FBH1: variants seen among roughly 807,000 people sequenced by gnomAD.
FBH1 encodes DNA 3'-5' helicase 1.
In FBH1, 43 loss-of-function variants were observed where a neutral mutation model predicts 115.5. The observed-to-expected ratio is 0.37, with a 90% confidence interval of 0.29 to 0.48. The LOEUF is 0.48. Among genes scored for constraint, FBH1 ranks in the 20% least tolerant of loss-of-function variants. The pLI is 0.99. For missense variants in FBH1, 1,001 were observed against 1,337.3 expected, an observed-to-expected ratio of 0.75 and a Z score of 3.92; for synonymous variants, 524 against 507.8, an observed-to-expected ratio of 1.03 and a Z score of -0.43.
In FBH1 at chr10:5,906,719, G is replaced by A. The variant is rs1033445752; in HGVS notation, c.753+87G>A. 6 of 1,185,356 alleles carry A rather than the reference G, an allele frequency of 5.1e-6. No homozygotes were observed. Among genetic ancestry groups the A allele is most frequent in the Non-Finnish European group, 7.1e-6 (6 of 846,052 alleles). The allele number at this position is 1,185,356 out of a possible 1,614,324, so 73.4% of individuals were successfully genotyped here. ...CGCTTATAATCAGAGGATCTTTTCA[G>A]AAATGGTTTCCATTTGCCTTCAGAA... On this transcript the variant is annotated intron_variant, in intron 3 of 20. Coordinates refer to ENST00000362091, the MANE Select transcript of FBH1 (RefSeq NM_178150.3). This position sits in a 1 kb window ranked among gnomAD's most constrained non-coding sequence, Gnocchi z 7.3.
Position 5,910,559 on chromosome 10 carries a change from C to T in FBH1, c.1021-379C>T, listed in dbSNP as rs1309038860. Reference sequence around the variant, plus strand: ...ATGCCTCTTGGGTGGGCGCCCCTTGCTGGCTGTTTTGCTCTGGCCCTGCCA... The same window carrying T: ...ATGCCTCTTGGGTGGGCGCCCCTTGTTGGCTGTTTTGCTCTGGCCCTGCCA... On this transcript the variant is annotated intron_variant, in intron 5 of 20. Transcript: ENST00000362091. This position sits in a 1 kb window ranked among gnomAD's most constrained non-coding sequence, Gnocchi z 4.8. Among the ~76,000 whole-genome samples the T allele has an allele frequency of 1.3e-5, 2 of 152,148 alleles. No homozygotes were observed. The highest frequency in any genetic ancestry group is 2.9e-5 in the Non-Finnish European group (2 of 68,026).
chr10:5,895,990 T>G lies in FBH1; in HGVS notation c.1+5644T>G, dbSNP rs1265160616. Among the ~76,000 whole-genome samples, 1 of 152,092 alleles carries G rather than the reference T, an allele frequency of 6.6e-6. No homozygotes were observed. The highest frequency in any genetic ancestry group is 2.4e-5 in the African/African-American group (1 of 41,392). ...TCAGTTTCACTTTCTGTGACTTGTT[T>G]TGTAAGTTGTTTTCAATAAAGAAGA... is the stretch of plus-strand genomic sequence containing the variant. On this transcript the variant is annotated intron_variant, in intron 1 of 20. Coordinates refer to ENST00000362091, the MANE Select transcript of FBH1 (RefSeq NM_178150.3). This position sits in a 1 kb window ranked among gnomAD's most constrained non-coding sequence, Gnocchi z 5.0.
chr10:5,927,784 G>A (rs1832740580), intron 19 of FBH1, among the ~76,000 whole-genome samples: 1 of 152,098 alleles, frequency 6.6e-6, no homozygotes, highest in Admixed American at 6.6e-5. Flanking sequence ...TAAGATACCA[G>A]CAGTGGGCCA....
rs1268200676 is a variant in FBH1, at chr10:5,918,133, C to T, written c.1964-209C>T. ...TTCCAACAATTCATCCAAGGCGAAA[C>T]ATAATCTGCATTCCTAGCACCAGAA... On this transcript the variant is annotated intron_variant, in intron 12 of 20. Transcript: ENST00000362091. This position sits in a 1 kb window ranked among gnomAD's most constrained non-coding sequence, Gnocchi z 4.0. Among the ~76,000 whole-genome samples, 3 of 152,236 alleles carry T rather than the reference C, an allele frequency of 2.0e-5. No homozygotes were observed. Among genetic ancestry groups the T allele is most frequent in the African/African-American group, 7.2e-5 (3 of 41,454 alleles).
chr10:5,914,907 A>G lies in FBH1; in HGVS notation c.1397-496A>G, dbSNP rs575830930. On this transcript the variant is annotated intron_variant, in intron 8 of 20. Coordinates refer to ENST00000362091, the MANE Select transcript of FBH1 (RefSeq NM_178150.3). The surrounding 1 kb of genome is among the most constrained non-coding windows in gnomAD (Gnocchi z 5.2). ...TTGGCATTGTGCTGATCCTGATAGC[A>G]TTCCGTAAGGTTGCTTAGTTATTCT... Among the ~76,000 whole-genome samples the G allele has an allele frequency of 4.3e-4, 66 of 152,300 alleles. No individual in the cohort carries two copies. Among genetic ancestry groups the G allele is most frequent in the African/African-American group, 1.5e-3 (63 of 41,548 alleles).
intron 19 of FBH1, among the ~76,000 whole-genome samples, chr10:5,930,871 C>T (rs1832928361): frequency 6.6e-6 from 1 of 152,136 alleles, no homozygotes; most frequent in Non-Finnish European, 1.5e-5. Context: ...CCCACCTCAG[C>T]CTCCCAAGTA....
Position 5,931,787 on chromosome 10 carries a change from G to A in FBH1, c.2829+4246G>A, listed in dbSNP as rs1401802704. Among the ~76,000 whole-genome samples the A allele has an allele frequency of 2.6e-5, 4 of 152,162 alleles. No individual in the cohort carries two copies. Among genetic ancestry groups the A allele is most frequent in the African/African-American group, 9.7e-5 (4 of 41,440 alleles). On this transcript the variant is annotated intron_variant, in intron 19 of 20. Transcript: ENST00000362091. The surrounding 1 kb of genome is among the most constrained non-coding windows in gnomAD (Gnocchi z 4.3). ...TTTATTCATAATACCTACAGGGGTTGCTTTGCTTCTTTTTGATTTAATGAT... is the reference window on the plus strand; with the variant it reads ...TTTATTCATAATACCTACAGGGGTTACTTTGCTTCTTTTTGATTTAATGAT...
Position 5,914,356 on chromosome 10 carries a change from TTGCTC to T in FBH1, c.1396+90_1396+94del, listed in dbSNP as rs1303171236. The T allele has an allele frequency of 5.5e-6, 6 of 1,099,308 alleles. No homozygotes were observed. The highest frequency in any genetic ancestry group is 1.8e-5 in the Admixed American group (1 of 56,328). 68.1% of individuals were successfully genotyped at this position (1,099,308 alleles called of 1,614,324 possible). A position where few individuals can be genotyped will look rare whatever the true frequency, so the allele number is the denominator to read the frequency against. Reference sequence around the variant, plus strand: ...CTTCCCGCTACCTGCCAGGGCATCTTTGCTCTGATCTGTCATCCAACTAATAATTC... The same window carrying T: ...CTTCCCGCTACCTGCCAGGGCATCTTTGATCTGTCATCCAACTAATAATTC... On this transcript the variant is annotated intron_variant, in intron 8 of 20. Transcript: ENST00000362091. This position sits in a 1 kb window ranked among gnomAD's most constrained non-coding sequence, Gnocchi z 5.2.
rs1350814203 is a variant in FBH1, at chr10:5,936,110, A to G, written c.2830-346A>G. 1.1e-5 allele frequency: 2 copies of G among 176,708 alleles called. No individual in the cohort carries two copies. The highest frequency in any genetic ancestry group is 4.7e-5 in the African/African-American group (2 of 42,592). The allele number at this position is 176,708 out of a possible 1,614,324, so 10.9% of individuals were successfully genotyped here. On this transcript the variant is annotated intron_variant, in intron 19 of 20. Coordinates refer to ENST00000362091, the MANE Select transcript of FBH1 (RefSeq NM_178150.3). This position sits in a 1 kb window ranked among gnomAD's most constrained non-coding sequence, Gnocchi z 5.6. ...GTCCTCTGTGTTGCCTGCCTGGCTT[A>G]TAATGTGAATACACAATAGTTTTCT...
At position 5,903,059 on chromosome 10, in the gene FBH1, G is replaced by C; in HGVS notation, c.41G>C (p.Cys14Ser). 1 of 1,613,392 alleles carries C rather than the reference G, an allele frequency of 6.2e-7. No homozygotes were observed. The highest frequency in any genetic ancestry group is 8.5e-7 in the Non-Finnish European group (1 of 1,179,680). Residue 14 changes from cysteine to serine, a missense_variant, in exon 2 of 21, where the codon TGC becomes TCC. Cys to Ser is a moderately radical substitution (Grantham distance 112). Around this residue, in one of 4 missense-constraint regions of FBH1, gnomAD observed 420 missense variants for 430.4 expected, o/e 0.98. Coordinates refer to ENST00000362091, the MANE Select transcript of FBH1 (RefSeq NM_178150.3). ...CGGAAGCATCTTACTGCCATTGACTGCCAGCATTTGGCTCGGAGTCACTTG... is the reference window on the plus strand; with the variant it reads ...CGGAAGCATCTTACTGCCATTGACTCCCAGCATTTGGCTCGGAGTCACTTG... ...FKRKHLTAID[C>S]QHLARSHLAV...
In FBH1 at chr10:5,921,532, C is replaced by T; in HGVS notation, c.2285C>T (p.Thr762Met). 2 of 1,594,596 alleles carry T rather than the reference C, an allele frequency of 1.3e-6. No homozygotes were observed. The highest frequency in any genetic ancestry group is 1.7e-6 in the Non-Finnish European group (2 of 1,175,482). Residue 762 changes from threonine (T) to methionine (M), a missense_variant, in exon 15 of 21, where the codon ACG becomes ATG. Physicochemically the swap from Thr to Met is moderately conservative, Grantham distance 81. Transcript: ENST00000362091. The surrounding 1 kb of genome is among the most constrained non-coding windows in gnomAD (Gnocchi z 6.4). ...ANVFDEAVRV[T>M]EGEFPSRIHL... ...GTGTTTGATGAGGCCGTACGGGTGACGGAAGGGGAATTCCCTTCAAGGATA... is the reference window on the plus strand; with the variant it reads ...GTGTTTGATGAGGCCGTACGGGTGATGGAAGGGGAATTCCCTTCAAGGATA...
At chr10:5,899,002 T>C (rs1462012987) in intron 1 of FBH1, among the ~76,000 whole-genome samples, 2 of 152,204 alleles carry the variant, frequency 1.3e-5, no homozygotes, top group African/African-American at 4.8e-5. Flanking sequence ...CATTCTTACA[T>C]ACTTCACAAA....
At chr10:5,920,436 T>TGCA (rs957631884) in intron 13 of FBH1, among the ~76,000 whole-genome samples, 1 of 152,244 alleles carries the variant, frequency 6.6e-6, no homozygotes, top group African/African-American at 2.4e-5. Flanking sequence ...AGTCCCTATA[T>TGCA]GCAGTCCACA....
chr10:5,904,731 A>G (rs1843591788), intron 2 of FBH1, among the ~76,000 whole-genome samples: 1 of 152,138 alleles, frequency 6.6e-6, no homozygotes, highest in Non-Finnish European at 1.5e-5. Flanking sequence ...TAAAAAAGAA[A>G]ATGCTAGGAT....
chr10:5,890,234 GGGC>G (rs1185686968), upstream of FBH1: 10 of 357,622 alleles, frequency 2.8e-5, no homozygotes, highest in Non-Finnish European at 5.2e-5. Context: ...CGGGCGTCTC[GGGC>G]TCCAGGTCCC....
Position 5,910,237 on chromosome 10 carries a change from G to A in FBH1, c.1021-701G>A, listed in dbSNP as rs139834363. The stretch of plus-strand genomic sequence containing the variant: ...GCAGAGGTTGCGGTGAGCTGAGATC[G>A]CGCCACTGCACTCCAGCCTGTGTGA... On this transcript the variant is annotated intron_variant, in intron 5 of 20. Transcript: ENST00000362091. This position sits in a 1 kb window ranked among gnomAD's most constrained non-coding sequence, Gnocchi z 4.8. Among the ~76,000 whole-genome samples, 3,916 of 151,488 alleles carry A rather than the reference G, an allele frequency of 0.026. 90 individuals carry two copies. The highest frequency in any genetic ancestry group is 0.055 in the African/African-American group (2,275 of 41,248).
chr10:5,890,146 C>A, upstream of FBH1: 1 of 325,862 alleles, frequency 3.1e-6, no homozygotes, highest in South Asian at 1.5e-4. Flanking sequence ...CCCGATTGGT[C>A]GCGGGGGCCG....
Position 5,915,358 on chromosome 10 carries a change from C to T in FBH1, c.1397-45C>T, listed in dbSNP as rs757744261. On this transcript the variant is annotated intron_variant, in intron 8 of 20. Transcript: ENST00000362091. The surrounding 1 kb of genome is among the most constrained non-coding windows in gnomAD (Gnocchi z 5.2). ...CCTGATTGGGGATCCCTGGGCATGT[C>T]TTGTCTGGTCAGAGGGTCACCTCCT... The T allele has an allele frequency of 1.1e-5, 18 of 1,604,394 alleles. No individual in the cohort carries two copies. The highest frequency in any genetic ancestry group is 1.5e-5 in the Non-Finnish European group (18 of 1,174,112).
In FBH1 at chr10:5,913,619, T is replaced by C; in HGVS notation, c.1212-128T>C. On this transcript the variant is annotated intron_variant, in intron 6 of 20. Transcript: ENST00000362091. This position sits in a 1 kb window ranked among gnomAD's most constrained non-coding sequence, Gnocchi z 4.4. Reference sequence around the variant, plus strand: ...ATATTTAAATCCTTTTCTTTCTTTTTTCCATTAAATGGTGGTAGGTATTTT... The same window carrying C: ...ATATTTAAATCCTTTTCTTTCTTTTCTCCATTAAATGGTGGTAGGTATTTT... The C allele has an allele frequency of 1.6e-6, 1 of 617,956 alleles. No individual in the cohort carries two copies. The highest frequency in any genetic ancestry group is 2.3e-5 in the South Asian group (1 of 43,782). 38.3% of individuals were successfully genotyped at this position (617,956 alleles called of 1,614,324 possible).
Sources: gnomAD v4.1 joint callset for allele counts (sites outside exome capture counted in the v4.1 genomes callset) on GRCh38, gnomAD v4.1.1 for gene constraint, gnomAD v4.1.1 regional missense constraint, Gnocchi (gnomAD v3.1) non-coding constraint, MANE v1.5 for transcripts, NCBI Gene and HGNC (gene_info 2026-07-23, HGNC 2026-07-21) for gene names.